The following SEC14L1 variants were observed in gnomAD, a reference collection of about 807,000 sequenced individuals.
The protein encoded by SEC14L1 is SEC14 like lipid binding 1.
A neutral mutation model predicts 85.3 loss-of-function variants in SEC14L1; 48 were observed. The observed-to-expected ratio is 0.56, with a 90% CI of 0.45 to 0.72. SEC14L1 has a LOEUF of 0.72. Ranked by LOEUF, SEC14L1 falls within the 30% of genes least tolerant of loss-of-function variation. SEC14L1 has a pLI of 0.00. For synonymous variants in SEC14L1, 391 were observed against 355.5 expected (o/e 1.10, Z -1.12); for missense variants, 682 against 921.4 (o/e 0.74, Z 3.36).
rs541722840 is a variant in SEC14L1 at position 77,110,426 on chromosome 17, A to G, written c.-136+17079A>G. 2.0e-4 allele frequency among the ~76,000 whole-genome samples: 30 copies of G among 152,284 alleles called. No homozygotes were observed. The South Asian group carries it at 6.2e-3, about 32-fold the overall frequency. On this transcript the variant is annotated intron_variant, in intron 3 of 19. Coordinates refer to the SEC14L1 transcript ENST00000392476. ...GTTGATGAAAAGAGTCGAAGTGTAT[A>G]AAATATTTGAAGAGATTTATTCTGA...
At chr17:77,199,715 A>T (rs1365077216) in intron 8 of SEC14L1, among the ~76,000 whole-genome samples, 2 of 152,156 alleles carry the variant, frequency 1.3e-5, no homozygotes, top group African/African-American at 2.4e-5. Context: ...ATGTTTAGGG[A>T]ATTATTTATG....
At chr17:77,128,957 G>A (rs1042109046) in intron 3 of SEC14L1, among the ~76,000 whole-genome samples, 13 of 152,016 alleles carry the variant, frequency 8.6e-5, no homozygotes, top group Non-Finnish European at 1.6e-4. Flanking sequence ...GCCAAGAGCC[G>A]TACAAATGAG....
chr17:77,206,856 G>C lies in SEC14L1; in HGVS notation c.1470G>C (p.Glu490Asp). The change falls in exon 13 of 17, where the codon GAG (glutamate) becomes GAC (aspartate). Residue 490 changes from glutamate (E) to aspartate (D), a missense_variant. Coordinates refer to ENST00000436233, the MANE Select transcript of SEC14L1 (RefSeq NM_001143998.2). This position sits in a 1 kb window ranked among gnomAD's most constrained non-coding sequence, Gnocchi z 4.3. ...KEIIPDFLSG[E>D]CMCEVPEGGL... ...TTATTCCAGATTTCCTGAGTGGGGA[G>C]TGCATGGTATGTCCTGAGGCGAGGA... 6.2e-7 allele frequency: 1 copy of C among 1,602,664 alleles called. No individual in the cohort carries two copies. Among genetic ancestry groups the C allele is most frequent in the South Asian group, 1.1e-5 (1 of 88,752 alleles).
chr17:77,145,099 A>ATGTGTGTGTGTG (rs60478156), intron 3 of SEC14L1: 6 of 114,254 alleles, frequency 5.3e-5, no homozygotes, highest in Admixed American at 9.1e-5. Context: ...GTGTGTATGT[A>ATGTGTGTGTGTG]TGTGTGTGTG....
chr17:77,207,635 A>G (rs1163322437), intron 13 of SEC14L1, among the ~76,000 whole-genome samples: 1 of 152,116 alleles, frequency 6.6e-6, no homozygotes, highest in Non-Finnish European at 1.5e-5. Flanking sequence ...TATTTTTAGT[A>G]GAGATGGGGT....
chr17:77,191,247 C>T lies in SEC14L1; in HGVS notation c.280C>T (p.His94Tyr). ...NSLNSRERTLHIEAYNETFSN... is the reference protein window; with the variant it reads ...NSLNSRERTLYIEAYNETFSN... The stretch of plus-strand genomic sequence containing the variant: ...ACTGAATTCTCGGGAACGTACTTTG[C>T]ACATTGAGGCTTATAATGAAACGTT... The change falls in exon 5 of 17, where the codon CAC (histidine) becomes TAC (tyrosine). Residue 94 changes from histidine (H) to tyrosine (Y), a missense_variant. His to Tyr is a moderately conservative substitution (Grantham distance 83). Coordinates refer to ENST00000436233, the MANE Select transcript of SEC14L1 (RefSeq NM_001143998.2). The T allele has an allele frequency of 6.2e-7, 1 of 1,613,560 alleles. No homozygotes were observed. The highest frequency in any genetic ancestry group is 8.5e-7 in the Non-Finnish European group (1 of 1,179,622).
At chr17:77,202,929 A>T (rs1256612981) in intron 9 of SEC14L1, among the ~76,000 whole-genome samples, 14 of 115,872 alleles carry the variant, frequency 1.2e-4, no homozygotes, top group Admixed American at 1.2e-3. Context: ...TAAAAAAAAT[A>T]AAAAAATAAA....
intron 1 of SEC14L1, among the ~76,000 whole-genome samples, 190 bp from the exon 2 acceptor site, chr17:77,142,456 G>A (rs562279919): frequency 1.1e-4 from 16 of 151,422 alleles, no homozygotes; most frequent in Non-Finnish European, 2.2e-4. Flanking sequence ...TACTTGGGAG[G>A]CTGAGGCAGG....
At chr17:77,154,600 C>T (rs913657176) in intron 3 of SEC14L1, among the ~76,000 whole-genome samples, 6 of 150,822 alleles carry the variant, frequency 4.0e-5, no homozygotes, top group Admixed American at 2.6e-4. Flanking sequence ...CTCCAGATAC[C>T]GAGGGAGGAC....
intron 3 of SEC14L1, among the ~76,000 whole-genome samples, chr17:77,109,084 A>C (rs1339967098): frequency 6.6e-6 from 1 of 152,222 alleles, no homozygotes; most frequent in African/African-American, 2.4e-5. Flanking sequence ...GGCCTCCCAA[A>C]GTGCTGGGAT....
intron 3 of SEC14L1, among the ~76,000 whole-genome samples, chr17:77,125,000 T>TTA (rs1567879092): frequency 0.038 from 2,179 of 57,088 alleles, 21 homozygotes; most frequent in Non-Finnish European, 0.052. Context: ...TATTATTATT[T>TTA]TTATTATTAT....
At chr17:77,127,655 G>GT (rs796603002) in intron 3 of SEC14L1, among the ~76,000 whole-genome samples, 7 of 152,002 alleles carry the variant, frequency 4.6e-5, no homozygotes, top group South Asian at 2.1e-4. Flanking sequence ...TGGCCAAGGG[G>GT]TTTTTTTTCT....
chr17:77,128,747 C>A (rs1972527011), intron 3 of SEC14L1, among the ~76,000 whole-genome samples: 1 of 152,046 alleles, frequency 6.6e-6, no homozygotes, highest in Non-Finnish European at 1.5e-5. Flanking sequence ...ATTCACCGCG[C>A]CTGGCCACGC....
chr17:77,156,443 C>T (rs1042000616), intron 3 of SEC14L1, among the ~76,000 whole-genome samples: 13 of 152,068 alleles, frequency 8.5e-5, no homozygotes, highest in African/African-American at 3.1e-4. Context: ...GGCGTGGTGG[C>T]GTACATCTGT....
intron 3 of SEC14L1, among the ~76,000 whole-genome samples, chr17:77,095,195 A>G (rs1176806946): frequency 1.3e-5 from 2 of 152,186 alleles, no homozygotes; most frequent in African/African-American, 4.8e-5. Context: ...GAGCAGTAAC[A>G]TCTTATTTAT....
intron 3 of SEC14L1, among the ~76,000 whole-genome samples, chr17:77,116,768 T>C (rs1435236763): frequency 6.6e-6 from 1 of 152,218 alleles, no homozygotes; most frequent in Non-Finnish European, 1.5e-5. Context: ...TGGAATTTCA[T>C]GGACTTTTCC....
At chr17:77,189,917 C>T (rs182879328) in intron 3 of SEC14L1, among the ~76,000 whole-genome samples, 3 of 152,296 alleles carry the variant, frequency 2.0e-5, no homozygotes, top group Admixed American at 1.3e-4. Flanking sequence ...CGTGAGCCAC[C>T]GCGCCCGGCC....
chr17:77,129,705 T>C (rs1487577983), intron 3 of SEC14L1, among the ~76,000 whole-genome samples: 1 of 152,202 alleles, frequency 6.6e-6, no homozygotes, highest in African/African-American at 2.4e-5. Flanking sequence ...TTCTTTTCCA[T>C]GGTTAGCCTT....
intron 3 of SEC14L1, among the ~76,000 whole-genome samples, chr17:77,147,035 G>A (rs1381209811): frequency 6.6e-6 from 1 of 152,206 alleles, no homozygotes; most frequent in East Asian, 1.9e-4. Context: ...GCTTCCGCCG[G>A]CGGACTTGTG....
Sources: allele counts gnomAD v4.1 joint callset (sites outside exome capture counted in the v4.1 genomes callset), GRCh38; gene constraint gnomAD v4.1.1; non-coding constraint Gnocchi (gnomAD v3.1); transcripts MANE v1.5; gene names NCBI Gene and HGNC (gene_info 2026-07-23, HGNC 2026-07-21).